The following PDZRN4 variants were observed in gnomAD, a reference collection of about 807,000 sequenced individuals.
The protein encoded by PDZRN4 is PDZ domain containing ring finger 4, also known as PDZ domain-containing RING finger protein 4.
In PDZRN4, 70 loss-of-function variants were observed where a neutral mutation model predicts 99.0. The ratio of observed to expected loss-of-function variants is 0.71; its 90% CI spans 0.58 to 0.86. The LOEUF (loss-of-function observed/expected upper bound fraction) is 0.86, where lower values mean the gene tolerates loss of function less well. Ranked by LOEUF, PDZRN4 falls within the 40% of genes least tolerant of loss-of-function variation. PDZRN4 has a pLI of 0.00. For synonymous variants in PDZRN4, 551 were observed against 501.6 expected, an observed-to-expected ratio of 1.10 and a Z score of -1.32; for missense variants, 1,474 against 1,331.2, an observed-to-expected ratio of 1.11 and a Z score of -1.67.
chr12:41,191,415 T>C (rs1177866708), intron 1 of PDZRN4, 43 bp from the exon 2 acceptor site: 1 of 960,594 alleles, frequency 1.0e-6, no homozygotes, highest in East Asian at 2.4e-5. Context: ...ATTTTTCTTT[T>C]ATATTTTTAC....
chr12:41,563,775 C>T, intron 8 of PDZRN4, 126 bp downstream of exon 8: 1 of 684,990 alleles, frequency 1.5e-6, no homozygotes, highest in South Asian at 2.0e-5. Context: ...ACGGTTATCT[C>T]TCCCCATATA....
intron 5 of PDZRN4, among the ~76,000 whole-genome samples, chr12:41,550,714 T>C (rs551185806): frequency 6.6e-6 from 1 of 152,342 alleles, no homozygotes; most frequent in East Asian, 1.9e-4. Context: ...TGCATTTCAC[T>C]AATTTGCAGT....
In PDZRN4 at chr12:41,573,671, G is replaced by GCAC. The variant is rs1167808434; in HGVS notation, c.2893_2894insACC (p.Met964_Arg965insHis). ...AGCGCCGTCGCCGTGAGTTCATGATGCGAAGCAGGTTAGAGTGTCTCAAGG... is the reference window on the plus strand; with the variant it reads ...AGCGCCGTCGCCGTGAGTTCATGATGCACCGAAGCAGGTTAGAGTGTCTCAAGG... On this transcript the variant is annotated inframe_insertion, in exon 10 of 10. Coordinates refer to ENST00000402685, the MANE Select transcript of PDZRN4 (RefSeq NM_001164595.2). The GCAC allele has an allele frequency of 2.5e-6, 4 of 1,613,970 alleles. No individual in the cohort carries two copies. Among genetic ancestry groups the GCAC allele is most frequent in the African/African-American group, 1.3e-5 (1 of 74,904 alleles).
At chr12:41,571,335 GTCTCTCTCTCTC>G (rs752003607) in intron 9 of PDZRN4, among the ~76,000 whole-genome samples, 3 of 101,170 alleles carry the variant, frequency 3.0e-5, no homozygotes, top group Admixed American at 1.1e-4. Context: ...AATTACCAGA[GTCTCTCTCTCTC>G]TCTCTCTCTC....
intron 3 of PDZRN4, among the ~76,000 whole-genome samples, chr12:41,349,295 T>C (rs1282415570): frequency 1.3e-5 from 2 of 151,840 alleles, no homozygotes; most frequent in Non-Finnish European, 2.9e-5. Context: ...GAATTTCCAC[T>C]ACAATTTAGT....
At chr12:41,292,974 G>A (rs1951465829) in intron 3 of PDZRN4, among the ~76,000 whole-genome samples, 1 of 151,438 alleles carries the variant, frequency 6.6e-6, no homozygotes, top group Admixed American at 6.6e-5. Context: ...TAGGAATTCT[G>A]GGGTCCTTGC....
rs1939513373 is a variant in PDZRN4 at position 41,573,109 on chromosome 12, C to G, written c.2330C>G (p.Ala777Gly). The change falls in exon 10 of 10, where the codon GCA becomes GGA. Residue 777 changes from alanine to glycine, a missense_variant. By Grantham distance (60) the Ala-to-Gly change is moderately conservative. Coordinates refer to ENST00000402685, the MANE Select transcript of PDZRN4 (RefSeq NM_001164595.2). ...TNKKNLRSTMAATQSSSGQSS... is the reference protein window; with the variant it reads ...TNKKNLRSTMGATQSSSGQSS... ...AAGAAAAACCTGAGAAGCACAATGG[C>G]AGCCACCCAGTCCTCTTCCGGACAG... The G allele has an allele frequency of 6.2e-7, 1 of 1,614,144 alleles. No individual in the cohort carries two copies.
intron 5 of PDZRN4, among the ~76,000 whole-genome samples, chr12:41,515,499 G>A (rs1414569302): frequency 6.6e-6 from 1 of 151,948 alleles, no homozygotes; most frequent in Non-Finnish European, 1.5e-5. Flanking sequence ...AACTGATCTG[G>A]ATGAAGTGTG....
At chr12:41,430,473 A>C (rs994116333) in intron 3 of PDZRN4, among the ~76,000 whole-genome samples, 6 of 152,042 alleles carry the variant, frequency 3.9e-5, no homozygotes, top group Non-Finnish European at 7.4e-5. Flanking sequence ...ATCTAAAAAA[A>C]AAAAAAAGAA....
At chr12:41,333,621 T>C (rs941305747) in intron 3 of PDZRN4, among the ~76,000 whole-genome samples, 2 of 152,104 alleles carry the variant, frequency 1.3e-5, no homozygotes, top group African/African-American at 4.8e-5. Flanking sequence ...CCATTCTCCA[T>C]AGCAAATCCC....
intron 3 of PDZRN4, among the ~76,000 whole-genome samples, chr12:41,222,592 C>T (rs2120728018): frequency 6.6e-6 from 1 of 152,232 alleles, no homozygotes; most frequent in South Asian, 2.1e-4. Context: ...AAGCTCAGCT[C>T]ACTGCAACCT....
chr12:41,496,390 TC>T (rs2120645330), intron 3 of PDZRN4, among the ~76,000 whole-genome samples: 1 of 152,226 alleles, frequency 6.6e-6, no homozygotes, highest in Non-Finnish European at 1.5e-5. Flanking sequence ...TTTGATCCTA[TC>T]TGCAACTCTG....
At chr12:41,196,335 A>G (rs1950772562) in intron 3 of PDZRN4, among the ~76,000 whole-genome samples, 1 of 152,040 alleles carries the variant, frequency 6.6e-6, no homozygotes, top group African/African-American at 2.4e-5. Context: ...AATTTGTCTC[A>G]ATGATATAGA....
intron 1 of PDZRN4, among the ~76,000 whole-genome samples, chr12:41,190,221 G>A (rs1591960816): frequency 6.6e-6 from 1 of 151,886 alleles, no homozygotes; most frequent in African/African-American, 2.4e-5. Flanking sequence ...CGTCTTGAAC[G>A]TAAAAGAGAA....
intron 3 of PDZRN4, among the ~76,000 whole-genome samples, chr12:41,306,046 A>G (rs986174986): frequency 6.6e-6 from 1 of 152,204 alleles, no homozygotes; most frequent in Non-Finnish European, 1.5e-5. Context: ...AAAGGGAAAA[A>G]TCAAAAGGAA....
At chr12:41,418,587 C>T (rs1399505517) in intron 3 of PDZRN4, among the ~76,000 whole-genome samples, 3 of 152,156 alleles carry the variant, frequency 2.0e-5, no homozygotes, top group Non-Finnish European at 1.5e-5. Context: ...TGACTTTGTC[C>T]TATTTTAAAT....
chr12:41,569,105 TCTTATTATTATC>T (rs1939430502), intron 9 of PDZRN4, among the ~76,000 whole-genome samples: 1 of 146,578 alleles, frequency 6.8e-6, no homozygotes, highest in Non-Finnish European at 1.5e-5. Context: ...CCCTGTCTAT[TCTTATTATTATC>T]ATTATTATTA....
chr12:41,570,522 C>T (rs1289932232), intron 9 of PDZRN4, among the ~76,000 whole-genome samples: 5 of 152,010 alleles, frequency 3.3e-5, no homozygotes, highest in African/African-American at 1.2e-4. Context: ...TTATGAATGC[C>T]GTTACATTGT....
At chr12:41,353,235 G>T (rs1251463423) in intron 3 of PDZRN4, among the ~76,000 whole-genome samples, 1 of 151,904 alleles carries the variant, frequency 6.6e-6, no homozygotes, top group African/African-American at 2.4e-5. Flanking sequence ...ATGGGTTGAT[G>T]GTTTTATTAG....
Sources: allele counts gnomAD v4.1 joint callset (sites outside exome capture counted in the v4.1 genomes callset), GRCh38; gene constraint gnomAD v4.1.1; transcripts MANE v1.5; gene names NCBI Gene and HGNC (gene_info 2026-07-23, HGNC 2026-07-21).